The following ZMAT4 variants were observed in gnomAD, a reference collection of about 807,000 sequenced individuals.
ZMAT4 encodes the protein zinc finger matrin-type protein 4.
In ZMAT4, 17 loss-of-function variants were observed where a neutral mutation model predicts 28.7. The ratio of observed to expected loss-of-function variants is 0.59; its 90% CI spans 0.41 to 0.89. The LOEUF (loss-of-function observed/expected upper bound fraction) is 0.89, where lower values mean the gene tolerates loss of function less well. Among genes scored for constraint, ZMAT4 ranks in the 40% least tolerant of loss-of-function variants. ZMAT4 has a pLI of 0.00. For synonymous variants in ZMAT4, 117 were observed against 109.2 expected (o/e 1.07, Z -0.44); for missense variants, 240 against 283.8 (o/e 0.85, Z 1.11).
chr8:40,582,845 A>G (rs1482291596), intron 5 of ZMAT4, among the ~76,000 whole-genome samples: 1 of 152,158 alleles, frequency 6.6e-6, no homozygotes, highest in Non-Finnish European at 1.5e-5. Flanking sequence ...TTTTGAAGAG[A>G]TGTTAACATG....
chr8:40,798,102 G>A (rs1055186649), intron 2 of ZMAT4, among the ~76,000 whole-genome samples: 5 of 152,184 alleles, frequency 3.3e-5, no homozygotes, highest in African/African-American at 1.2e-4. Flanking sequence ...CTGGGTGCAG[G>A]GGGAACCTCT....
At chr8:40,704,742 G>T (rs1307542275) in intron 3 of ZMAT4, among the ~76,000 whole-genome samples, 1 of 152,120 alleles carries the variant, frequency 6.6e-6, no homozygotes, top group Non-Finnish European at 1.5e-5. Flanking sequence ...TTCTAATTTG[G>T]TCACTTAACT....
chr8:40,892,718 A>G (rs551987265), intron 1 of ZMAT4, among the ~76,000 whole-genome samples: 1 of 152,250 alleles, frequency 6.6e-6, no homozygotes, highest in Non-Finnish European at 1.5e-5. Flanking sequence ...TCTGGGCATC[A>G]TCTGCCACAT....
intron 2 of ZMAT4, among the ~76,000 whole-genome samples, chr8:40,816,609 T>G (rs1245698440): frequency 1.3e-5 from 2 of 152,162 alleles, no homozygotes; most frequent in Non-Finnish European, 2.9e-5. Context: ...AACAATACTC[T>G]GGAAGGCACA....
At chr8:40,606,867 A>T (rs1028235395) in intron 5 of ZMAT4, among the ~76,000 whole-genome samples, 3 of 152,192 alleles carry the variant, frequency 2.0e-5, no homozygotes, top group Admixed American at 6.5e-5. Flanking sequence ...ATCTAACATA[A>T]TCCCAGACTT....
At chr8:40,586,514 G>C (rs1804676819) in intron 5 of ZMAT4, among the ~76,000 whole-genome samples, 2 of 152,188 alleles carry the variant, frequency 1.3e-5, no homozygotes, top group Admixed American at 1.3e-4. Context: ...TGTTACAGGA[G>C]CTAGAGGAGA....
At position 40,808,873 on chromosome 8, in the gene ZMAT4, C is replaced by A. The variant is rs147721127; in HGVS notation, c.102+16702G>T. Among the ~76,000 whole-genome samples, 30 of 151,898 alleles carry A rather than the reference C, an allele frequency of 2.0e-4. No individual in the cohort carries two copies. In the East Asian group the frequency reaches 5.6e-3, roughly 28 times the overall value. Reference sequence around the variant, plus strand: ...TTTAAAAAAAAAAAAAAACTATTCCCGAACTCTTTCTATGTTGAGACACAG... The same window carrying A: ...TTTAAAAAAAAAAAAAAACTATTCCAGAACTCTTTCTATGTTGAGACACAG... On this transcript the variant is annotated intron_variant, in intron 2 of 6. Coordinates refer to ENST00000297737, the MANE Select transcript of ZMAT4 (RefSeq NM_024645.3).
intron 1 of ZMAT4, among the ~76,000 whole-genome samples, chr8:40,842,322 G>A (rs17562411): frequency 0.18 from 27,670 of 152,174 alleles, 3,051 homozygotes; most frequent in Middle Eastern, 0.27. Context: ...CCACGTTTCC[G>A]GACTCCAAAT....
intron 1 of ZMAT4, among the ~76,000 whole-genome samples, chr8:40,890,704 C>T (rs1448313851): frequency 2.6e-5 from 4 of 152,150 alleles, no homozygotes; most frequent in Non-Finnish European, 1.5e-5. Context: ...GGCAGTGGCC[C>T]CTCCCTCCCT....
chr8:40,670,238 A>G (rs2589898), intron 5 of ZMAT4, among the ~76,000 whole-genome samples: 79,394 of 151,548 alleles, frequency 0.52, 21,056 homozygotes, highest in Middle Eastern at 0.62. Context: ...ATATAGGCTC[A>G]CACAATCAAA....
chr8:40,723,542 CAAAAAAAAAAAAAA>C lies in ZMAT4; in HGVS notation c.193-26155_193-26142del, dbSNP rs58513087. On this transcript the variant is annotated intron_variant, in intron 3 of 6. Coordinates refer to ENST00000297737, the MANE Select transcript of ZMAT4 (RefSeq NM_024645.3). ...TGGGTGACACAGCAAGATTCCATCT[CAAAAAAAAAAAAAA>C]AAAAAAAAAGATTGGGTATTAATTA... is the stretch of plus-strand genomic sequence containing the variant. Among the ~76,000 whole-genome samples the C allele has an allele frequency of 3.4e-3, 225 of 66,878 alleles. 2 individuals are homozygous for C. The highest frequency in any genetic ancestry group is 0.013 in the African/African-American group (219 of 16,920). 43.9% of individuals were successfully genotyped at this position (66,878 alleles called of 152,430 possible).
chr8:40,662,236 C>A (rs1808234621), intron 5 of ZMAT4, among the ~76,000 whole-genome samples: 1 of 152,120 alleles, frequency 6.6e-6, no homozygotes. Context: ...CCACCTTGGC[C>A]TCCCAAATTG....
intron 4 of ZMAT4, among the ~76,000 whole-genome samples, chr8:40,691,877 C>T (rs1306147939): frequency 6.6e-6 from 1 of 151,808 alleles, no homozygotes; most frequent in Non-Finnish European, 1.5e-5. Flanking sequence ...TTCACAGCCT[C>T]TGTTTGTGGC....
chr8:40,561,938 G>A (rs1803756822), intron 6 of ZMAT4, among the ~76,000 whole-genome samples: 1 of 152,136 alleles, frequency 6.6e-6, no homozygotes, highest in Admixed American at 6.5e-5. Context: ...GTATGTCTGT[G>A]TGTAAGAGAG....
chr8:40,760,549 A>C (rs1467741827), intron 3 of ZMAT4, among the ~76,000 whole-genome samples: 1 of 152,152 alleles, frequency 6.6e-6, no homozygotes, highest in Admixed American at 6.5e-5. Flanking sequence ...ACAGTACAAA[A>C]TCTGCAATGA....
intron 4 of ZMAT4, chr8:40,690,917 C>G: frequency 2.0e-6 from 2 of 985,054 alleles, no homozygotes; most frequent in Non-Finnish European, 2.4e-6. Flanking sequence ...ATTGCTTATC[C>G]GTTGCTTTTC....
At chr8:40,581,404 A>G (rs1470174001) in intron 5 of ZMAT4, 143 bp from the exon 6 acceptor site, 1 of 582,966 alleles carries the variant, frequency 1.7e-6, no homozygotes, top group Non-Finnish European at 3.1e-6. Context: ...TTCCTTGCAG[A>G]GCACAGCCAA....
chr8:40,760,926 T>A (rs552591674), intron 3 of ZMAT4, among the ~76,000 whole-genome samples: 151 of 152,264 alleles, frequency 9.9e-4, no homozygotes, highest in African/African-American at 3.4e-3. Flanking sequence ...TGTGGTTTCC[T>A]AAAAATGAAG....
intron 2 of ZMAT4, among the ~76,000 whole-genome samples, chr8:40,794,093 TG>T (rs1410751251): frequency 1.8e-4 from 26 of 146,682 alleles, no homozygotes; most frequent in African/African-American, 6.3e-4. Flanking sequence ...ATTTTTTTAA[TG>T]TTTTTTTTGG....
Sources: gnomAD v4.1 joint callset for allele counts (sites outside exome capture counted in the v4.1 genomes callset) on GRCh38, gnomAD v4.1.1 for gene constraint, MANE v1.5 for transcripts, NCBI Gene and HGNC (gene_info 2026-07-23, HGNC 2026-07-21) for gene names.